Variants in TNS1 observed in about 807,000 individuals in gnomAD.
TNS1 encodes tensin 1.
Under a neutral mutation model 168.6 loss-of-function variants are expected in TNS1, and 62 were observed. The observed-to-expected ratio is 0.37, with a 90% confidence interval of 0.30 to 0.45. TNS1 has a LOEUF of 0.45. TNS1 is among the 20% of genes least tolerant of loss of function. The pLI is 1.00. For missense variants in TNS1, 2,240 were observed against 2,339.4 expected, an observed-to-expected ratio of 0.96 and a Z score of 0.88; for synonymous variants, 934 against 933.2, an observed-to-expected ratio of 1.00 and a Z score of -0.02.
At position 217,948,002 on chromosome 2, in the gene TNS1, G is replaced by A. The variant is rs796423941; in HGVS notation, c.187-27766C>T. ...TGAAGTTAAGCAAAAGCACAAAGCGGCTAATGAAAGAGATAGAATTTCAAT... is the reference window on the plus strand; with the variant it reads ...TGAAGTTAAGCAAAAGCACAAAGCGACTAATGAAAGAGATAGAATTTCAAT... On this transcript the variant is annotated intron_variant, in intron 3 of 32. Coordinates refer to ENST00000682258, the MANE Select transcript of TNS1 (RefSeq NM_001387777.1). This position sits in a 1 kb window ranked among gnomAD's most constrained non-coding sequence, Gnocchi z 4.1. Among the ~76,000 whole-genome samples the A allele has an allele frequency of 6.6e-5, 10 of 152,296 alleles. No individual in the cohort carries two copies. The highest frequency in any genetic ancestry group is 2.2e-4 in the African/African-American group (9 of 41,550).
intron 4 of TNS1, among the ~76,000 whole-genome samples, chr2:217,913,826 C>T (rs3791922): frequency 0.36 from 54,754 of 151,930 alleles, 10,422 homozygotes; most frequent in African/African-American, 0.45. Flanking sequence ...GCCCACCAGG[C>T]CTGTCACGCT....
At chr2:217,837,496 C>T (rs113869915) in intron 19 of TNS1, among the ~76,000 whole-genome samples, 153 of 152,354 alleles carry the variant, frequency 1.0e-3, no homozygotes, top group African/African-American at 3.5e-3. Context: ...CTCTGAGACA[C>T]GCCCTCATAC....
Position 217,893,429 on chromosome 2 carries a change from C to CAG in TNS1, c.717+8_717+9dup, listed in dbSNP as rs1553602171. The CAG allele has an allele frequency of 6.3e-7, 1 of 1,591,098 alleles. No individual in the cohort carries two copies. Among genetic ancestry groups the CAG allele is most frequent in the Non-Finnish European group, 8.6e-7 (1 of 1,165,198 alleles). ...ACACACACACACACACACACACACACAGCTCTGACCTTGTTGTGTAGAACA... is the reference window on the plus strand; with the variant it reads ...ACACACACACACACACACACACACACAGAGCTCTGACCTTGTTGTGTAGAACA... On this transcript the variant is annotated intron_variant, in intron 10 of 32. Coordinates refer to ENST00000682258, the MANE Select transcript of TNS1 (RefSeq NM_001387777.1).
At chr2:218,030,698 CA>C (rs1259254620) in intron 1 of TNS1, among the ~76,000 whole-genome samples, 6 of 152,258 alleles carry the variant, frequency 3.9e-5, no homozygotes, top group African/African-American at 1.4e-4. Context: ...CACTGAAACT[CA>C]CTTCTAGTGT....
rs1355764570 is a variant in TNS1, at chr2:217,818,005, G to C, written c.4327C>G (p.Gln1443Glu). The C allele has an allele frequency of 3.1e-6, 5 of 1,597,412 alleles. No individual in the cohort carries two copies. Among genetic ancestry groups the C allele is most frequent in the Non-Finnish European group, 4.3e-6 (5 of 1,171,918 alleles). The change falls in exon 24 of 33, where the codon CAG becomes GAG. Residue 1443 changes from glutamine (Q) to glutamate (E), a missense_variant. By Grantham distance (29) the Gln-to-Glu change is conservative (BLOSUM62 2). Transcript: ENST00000682258. The part of the protein sequence containing the change: ...PEDRRPTLSR[Q>E]SSASGYQAPS... ...GCCTGGTAGCCAGAGGCACTGCTCTGCCGGGACAGTGTGGGTCTCCGATCC... is the reference window on the plus strand; with the variant it reads ...GCCTGGTAGCCAGAGGCACTGCTCTCCCGGGACAGTGTGGGTCTCCGATCC...
At chr2:217,987,869 G>A in intron 2 of TNS1, among the ~76,000 whole-genome samples, 1 of 152,330 alleles carries the variant, frequency 6.6e-6, no homozygotes, top group South Asian at 2.1e-4. Context: ...GGTGGCCCTG[G>A]TTGGGTGGGT....
At chr2:217,892,875 G>T (rs914469895) in intron 11 of TNS1, 73 bp downstream of exon 11, 2 of 1,505,882 alleles carry the variant, frequency 1.3e-6, no homozygotes, top group Non-Finnish European at 1.8e-6. Context: ...GAGCAGAGAG[G>T]CTGTGGGTGG....
intron 32 of TNS1, among the ~76,000 whole-genome samples, chr2:217,805,965 G>A (rs966973535): frequency 1.3e-5 from 2 of 152,090 alleles, no homozygotes; most frequent in Admixed American, 1.3e-4. Flanking sequence ...GGGGCCAGGA[G>A]CAACAGGGCC....
chr2:218,018,066 A>G (rs1211689698), intron 1 of TNS1, among the ~76,000 whole-genome samples: 1 of 152,222 alleles, frequency 6.6e-6, no homozygotes, highest in Non-Finnish European at 1.5e-5. Context: ...AAGAGGCTGG[A>G]ACCCAAGAAA....
chr2:217,916,990 C>T (rs984586523), intron 4 of TNS1, among the ~76,000 whole-genome samples: 3 of 152,206 alleles, frequency 2.0e-5, no homozygotes, highest in African/African-American at 7.2e-5. Context: ...AAAATACAAA[C>T]CCGCCCTTTC....
At chr2:217,810,461 A>G (rs568786012) in intron 28 of TNS1, 142 bp from the exon 29 acceptor site, 1 of 743,194 alleles carries the variant, frequency 1.3e-6, no homozygotes, top group Non-Finnish European at 2.3e-6. Context: ...GCCCTGAGTT[A>G]GGCTCAGTCT....
chr2:217,922,285 A>T (rs1955764021), intron 3 of TNS1, among the ~76,000 whole-genome samples: 1 of 152,088 alleles, frequency 6.6e-6, no homozygotes, highest in South Asian at 2.1e-4. Flanking sequence ...ACAGCACCAA[A>T]CCCTGCTCTG....
rs140348608 is a variant in TNS1 at position 218,017,978 on chromosome 2, C to T, written c.156+15842G>A. On this transcript the variant is annotated intron_variant, in intron 1 of 1. Coordinates refer to the TNS1 transcript ENST00000649572. ...GCCTGAGGGAGAGGAGCCAGGAGTC[C>T]CAGAAGGTTGAGGCCAAAACAGCTT... Among the ~76,000 whole-genome samples the T allele has an allele frequency of 2.5e-3, 375 of 152,298 alleles. 2 individuals carry two copies. The highest frequency in any genetic ancestry group is 8.1e-3 in the African/African-American group (335 of 41,560).
At chr2:217,917,903 C>A (rs1301723787) in intron 4 of TNS1, among the ~76,000 whole-genome samples, 1 of 149,548 alleles carries the variant, frequency 6.7e-6, no homozygotes. Flanking sequence ...GCATTCCAGG[C>A]AGGGGGAATA....
At chr2:217,958,970 C>G (rs1447338443) in intron 3 of TNS1, among the ~76,000 whole-genome samples, 3 of 152,196 alleles carry the variant, frequency 2.0e-5, no homozygotes, top group Non-Finnish European at 4.4e-5. Context: ...AGGCCCCAGG[C>G]CACTGAGCAA....
intron 18 of TNS1, among the ~76,000 whole-genome samples, chr2:217,867,738 A>G (rs564869348): frequency 2.5e-4 from 38 of 152,254 alleles, no homozygotes; most frequent in African/African-American, 7.7e-4. Flanking sequence ...GGGCCTTTGC[A>G]CCTGCTGTTA....
chr2:217,933,871 C>T lies in TNS1; in HGVS notation c.187-13635G>A, dbSNP rs191662539. Among the ~76,000 whole-genome samples the T allele has an allele frequency of 1.1e-4, 17 of 152,196 alleles. No homozygotes were observed. The East Asian group carries it at 2.1e-3, about 19-fold the overall frequency. On this transcript the variant is annotated intron_variant, in intron 3 of 32. Coordinates refer to ENST00000682258, the MANE Select transcript of TNS1 (RefSeq NM_001387777.1). ...ATAGGGTGGAGTAGATAGGAGGATACGCAGCCTGAACATTATGGGGTGGAA... is the reference window on the plus strand; with the variant it reads ...ATAGGGTGGAGTAGATAGGAGGATATGCAGCCTGAACATTATGGGGTGGAA...
intron 18 of TNS1, among the ~76,000 whole-genome samples, chr2:217,862,289 A>AT (rs1047679233): frequency 3.3e-5 from 5 of 152,132 alleles, no homozygotes; most frequent in African/African-American, 7.2e-5. Context: ...AAAAAAGACA[A>AT]TTTTTTTTCT....
rs1186557153 is a variant in TNS1, at chr2:218,032,120, G to A, written c.156+1700C>T. On this transcript the variant is annotated intron_variant, in intron 1 of 1. Coordinates refer to the TNS1 transcript ENST00000649572. The surrounding 1 kb of genome is among the most constrained non-coding windows in gnomAD (Gnocchi z 4.0). ...ATGTGGGACCATAGGAGGGCTCAGG[G>A]TGTAGGGCAGTTGTGGGACCTAGAG... 6.6e-6 allele frequency among the ~76,000 whole-genome samples: 1 copy of A among 152,244 alleles called. No homozygotes were observed. The highest frequency in any genetic ancestry group is 1.5e-5 in the Non-Finnish European group (1 of 68,040).
Sources: gnomAD v4.1 joint callset for allele counts (sites outside exome capture counted in the v4.1 genomes callset) on GRCh38, gnomAD v4.1.1 for gene constraint, Gnocchi (gnomAD v3.1) non-coding constraint, MANE v1.5 for transcripts, NCBI Gene and HGNC (gene_info 2026-07-23, HGNC 2026-07-21) for gene names.